The following RGS6 variants were observed in gnomAD, a reference collection of about 807,000 sequenced individuals.
RGS6 encodes the protein regulator of G-protein signaling 6.
In RGS6, 30 loss-of-function variants were observed where a neutral mutation model predicts 78.5. The observed-to-expected ratio is 0.38, with a 90% CI of 0.29 to 0.52. RGS6 has a LOEUF of 0.52. Ranked by LOEUF, RGS6 falls within the 20% of genes least tolerant of loss-of-function variation. The probability of loss-of-function intolerance (pLI) is 0.85; values close to 1 mark genes in which losing one functional copy is unlikely to be tolerated. For missense variants in RGS6, 495 were observed against 609.7 expected (o/e 0.81, Z 1.98); for synonymous variants, 206 against 206.0 (o/e 1.00, Z 0.00).
chr14:71,994,564 C>A (rs2283424), intron 2 of RGS6, among the ~76,000 whole-genome samples: 1 of 151,774 alleles, frequency 6.6e-6, no homozygotes, highest in East Asian at 1.9e-4. Flanking sequence ...ACATCCTATC[C>A]GCCCATGTCT....
At chr14:72,203,821 C>CTTTT (rs142494669) in intron 2 of RGS6, among the ~76,000 whole-genome samples, 2 of 106,726 alleles carry the variant, frequency 1.9e-5, no homozygotes, top group Non-Finnish European at 4.0e-5. Context: ...TTCTTTCTTT[C>CTTTT]TTTTTTTTTT....
At chr14:72,551,404 GTAGCCAGT>G (rs2097504906) in intron 17 of RGS6, among the ~76,000 whole-genome samples, 1 of 152,170 alleles carries the variant, frequency 6.6e-6, no homozygotes, top group African/African-American at 2.4e-5. Flanking sequence ...TACCCTGCAG[GTAGCCAGT>G]TACCTCACTA....
intron 2 of RGS6, among the ~76,000 whole-genome samples, chr14:72,179,077 A>T (rs2097141642): frequency 6.6e-6 from 1 of 152,208 alleles, no homozygotes; most frequent in Non-Finnish European, 1.5e-5. Context: ...ATGAAACAGA[A>T]ATCTGGCCCA....
intron 12 of RGS6, among the ~76,000 whole-genome samples, chr14:72,487,954 G>A (rs1017740207): frequency 3.3e-5 from 5 of 152,002 alleles, no homozygotes; most frequent in East Asian, 1.9e-4. Flanking sequence ...CGAGCACCCC[G>A]CTGACTAGGA....
At chr14:72,216,446 A>G (rs1420784165) in intron 2 of RGS6, among the ~76,000 whole-genome samples, 1 of 152,234 alleles carries the variant, frequency 6.6e-6, no homozygotes, top group Non-Finnish European at 1.5e-5. Flanking sequence ...CCGCACCAAC[A>G]CGAGGAATTA....
intron 2 of RGS6, chr14:71,990,822 A>AC: frequency 2.2e-6 from 1 of 456,036 alleles, no homozygotes; most frequent in Non-Finnish European, 4.4e-6. Flanking sequence ...TTCCTCACTT[A>AC]CCACAAACAT....
intron 2 of RGS6, among the ~76,000 whole-genome samples, chr14:72,204,414 A>G (rs991896517): frequency 6.6e-6 from 1 of 152,218 alleles, no homozygotes; most frequent in Non-Finnish European, 1.5e-5. Flanking sequence ...GCTGCCTGCC[A>G]TACAGGCTAT....
the RGS6 span, among the ~76,000 whole-genome samples, chr14:72,604,709 C>T: frequency 4.6e-5 from 7 of 152,144 alleles, no homozygotes; most frequent in Non-Finnish European, 7.4e-5. Flanking sequence ...GTACGACCCT[C>T]CTTAGCTCCT....
chr14:72,155,487 C>T (rs920159720), intron 2 of RGS6, among the ~76,000 whole-genome samples: 5 of 152,206 alleles, frequency 3.3e-5, no homozygotes, highest in African/African-American at 7.2e-5. Flanking sequence ...TAATATCATA[C>T]GTGGTTACTC....
intron 1 of RGS6, among the ~76,000 whole-genome samples, chr14:71,962,533 C>A (rs561617021): frequency 1.6e-4 from 24 of 152,214 alleles, no homozygotes; most frequent in Middle Eastern, 6.8e-3. Context: ...GAGTAGGCAA[C>A]TAAGTAGTTG....
Position 72,540,904 on chromosome 14 carries a change from G to A in RGS6, c.1422+810G>A, listed in dbSNP as rs918802446. The A allele has an allele frequency of 1.5e-5, 15 of 985,436 alleles. No individual in the cohort carries two copies. In the African/African-American group the frequency reaches 2.6e-4, roughly 17 times the overall value. 61.0% of individuals were successfully genotyped at this position (985,436 alleles called of 1,614,324 possible). A position where few individuals can be genotyped will look rare whatever the true frequency, so the allele number is the denominator to read the frequency against. On this transcript the variant is annotated intron_variant, in intron 17 of 17. Transcript: ENST00000553525. ...CATAAAGACAGCCGTGGCAACAGGTGGGAGTGGGGAGTCCGTGGCTGTTCC... is the reference window on the plus strand; with the variant it reads ...CATAAAGACAGCCGTGGCAACAGGTAGGAGTGGGGAGTCCGTGGCTGTTCC...
chr14:72,608,361 A>T, the RGS6 span, among the ~76,000 whole-genome samples: 1 of 152,166 alleles, frequency 6.6e-6, no homozygotes, highest in Non-Finnish European at 1.5e-5. Context: ...CTTTAAGGCC[A>T]TTGCTAAGCA....
In RGS6 at chr14:72,429,458, G is replaced by A. The variant is rs563267405; in HGVS notation, c.185-25070G>A. On this transcript the variant is annotated intron_variant, in intron 3 of 17. Coordinates refer to ENST00000553525, the MANE Select transcript of RGS6 (RefSeq NM_001204424.2). ...CTGGCTTATGAAGGCCAGGATTTTTGCCACCTGAGGCATTTGGAGAAGCCT... is the reference window on the plus strand; with the variant it reads ...CTGGCTTATGAAGGCCAGGATTTTTACCACCTGAGGCATTTGGAGAAGCCT... Among the ~76,000 whole-genome samples the A allele has an allele frequency of 5.9e-5, 9 of 152,126 alleles. 1 individual carries two copies. In the South Asian group the frequency reaches 1.9e-3, roughly 32 times the overall value.
At chr14:72,476,932 T>A in intron 11 of RGS6, 92 bp downstream of exon 11, 1 of 1,174,792 alleles carries the variant, frequency 8.5e-7, no homozygotes, top group Non-Finnish European at 1.2e-6. Flanking sequence ...GAGCAAGCTT[T>A]GAGTTCCTGG....
intron 2 of RGS6, among the ~76,000 whole-genome samples, chr14:72,122,186 C>T (rs1269685402): frequency 6.6e-6 from 1 of 152,120 alleles, no homozygotes; most frequent in Non-Finnish European, 1.5e-5. Flanking sequence ...TTTATTTCCA[C>T]TCTTGATTCT....
intron 3 of RGS6, among the ~76,000 whole-genome samples, chr14:72,424,409 C>T (rs1458719805): frequency 6.6e-6 from 1 of 152,062 alleles, no homozygotes; most frequent in Non-Finnish European, 1.5e-5. Context: ...AAACTGAGGG[C>T]ATTGCAGCTG....
chr14:72,091,770 G>A (rs1015659833), intron 2 of RGS6, among the ~76,000 whole-genome samples: 3 of 152,134 alleles, frequency 2.0e-5, no homozygotes, highest in African/African-American at 7.2e-5. Context: ...GTCCTCAGAT[G>A]TACTCACTTC....
At chr14:71,961,990 C>T (rs2153040718) in intron 1 of RGS6, among the ~76,000 whole-genome samples, 1 of 152,272 alleles carries the variant, frequency 6.6e-6, no homozygotes, top group South Asian at 2.1e-4. Context: ...ATTAGAAAAT[C>T]TTTACCTATG....
chr14:72,465,205 A>G (rs917852018), intron 6 of RGS6, among the ~76,000 whole-genome samples: 11 of 152,198 alleles, frequency 7.2e-5, no homozygotes, highest in African/African-American at 2.7e-4. Context: ...ATAAAGAACC[A>G]TATTTGCCAT....
Sources: gnomAD v4.1 joint callset for allele counts (sites outside exome capture counted in the v4.1 genomes callset) on GRCh38, gnomAD v4.1.1 for gene constraint, MANE v1.5 for transcripts, NCBI Gene and HGNC (gene_info 2026-07-23, HGNC 2026-07-21) for gene names.